Variants in CRACR2A observed in about 807,000 individuals in gnomAD.
The protein encoded by CRACR2A is calcium release activated channel regulator 2A.
Under a neutral mutation model 90.5 loss-of-function variants are expected in CRACR2A, and 79 were observed. The ratio of observed to expected loss-of-function variants is 0.87; its 90% CI spans 0.73 to 1.05. The LOEUF (loss-of-function observed/expected upper bound fraction) is 1.05. Ranked by LOEUF, CRACR2A falls within the 50% of genes least tolerant of loss-of-function variation. The probability of loss-of-function intolerance (pLI) is 0.00; values close to 1 mark genes in which losing one functional copy is unlikely to be tolerated. For synonymous variants in CRACR2A, 338 were observed against 356.7 expected, an observed-to-expected ratio of 0.95 and a Z score of 0.59; for missense variants, 823 against 897.2, an observed-to-expected ratio of 0.92 and a Z score of 1.06.
chr12:3,633,496 C>T lies in CRACR2A; in HGVS notation c.1735+108G>A. ...ACACCAGTATCCCTACTGGCCAATC[C>T]CCATGGCCCTTCCCATGGGCTTCTA... is the stretch of plus-strand genomic sequence containing the variant. On this transcript the variant is annotated intron_variant, in intron 15 of 19. Transcript: ENST00000440314. This position sits in a 1 kb window ranked among gnomAD's most constrained non-coding sequence, Gnocchi z 4.5. 1 of 1,443,254 alleles carries T rather than the reference C, an allele frequency of 6.9e-7. No individual in the cohort carries two copies. The highest frequency in any genetic ancestry group is 1.3e-5 in the South Asian group (1 of 74,988). The allele number at this position is 1,443,254 out of a possible 1,614,324, so 89.4% of individuals were successfully genotyped here.
At chr12:3,671,870 T>C (rs1476188082) in intron 7 of CRACR2A, among the ~76,000 whole-genome samples, 1 of 152,268 alleles carries the variant, frequency 6.6e-6, no homozygotes, top group Non-Finnish European at 1.5e-5. Flanking sequence ...AGATGGATAC[T>C]GTCCCTATCT....
At chr12:3,665,741 G>A (rs1214855909) in intron 7 of CRACR2A, among the ~76,000 whole-genome samples, 1 of 152,136 alleles carries the variant, frequency 6.6e-6, no homozygotes, top group East Asian at 1.9e-4. Context: ...AGGAGTTGGG[G>A]ACAGAAGACA....
intron 14 of CRACR2A, among the ~76,000 whole-genome samples, chr12:3,635,712 C>G (rs917619237): frequency 5.9e-5 from 9 of 152,228 alleles, no homozygotes; most frequent in African/African-American, 2.2e-4. Flanking sequence ...TCCCATGTTG[C>G]TTAGGCTGGT....
At chr12:3,710,393 C>T (rs58381361) in intron 3 of CRACR2A, among the ~76,000 whole-genome samples, 20,686 of 152,030 alleles carry the variant, frequency 0.14, 1,599 homozygotes, top group Admixed American at 0.22. Context: ...TCTCCCAGTT[C>T]TGGAGGCTGG....
intron 1 of CRACR2A, among the ~76,000 whole-genome samples, chr12:3,733,852 CA>C (rs1184577914): frequency 6.8e-6 from 1 of 147,818 alleles, no homozygotes; most frequent in Non-Finnish European, 1.5e-5. Context: ...ATCCTAACCA[CA>C]ACATTCCCAA....
intron 10 of CRACR2A, among the ~76,000 whole-genome samples, chr12:3,651,434 C>A (rs902955419): frequency 6.6e-6 from 1 of 152,218 alleles, no homozygotes; most frequent in Admixed American, 6.5e-5. Context: ...AACGTATAAC[C>A]TTTTGTGCCT....
chr12:3,734,762 C>T (rs1946423708), intron 1 of CRACR2A, among the ~76,000 whole-genome samples: 1 of 151,952 alleles, frequency 6.6e-6, no homozygotes, highest in African/African-American at 2.4e-5. Context: ...GTGAGGTAAG[C>T]CAGACAGAGA....
intron 2 of CRACR2A, among the ~76,000 whole-genome samples, chr12:3,718,379 C>A (rs146294874): frequency 2.6e-5 from 4 of 152,310 alleles, no homozygotes; most frequent in Non-Finnish European, 5.9e-5. Context: ...GCAGCATTCT[C>A]TCTCAAGCAG....
At chr12:3,734,817 T>C (rs906230151) in intron 1 of CRACR2A, among the ~76,000 whole-genome samples, 5 of 152,040 alleles carry the variant, frequency 3.3e-5, no homozygotes, top group African/African-American at 1.2e-4. Flanking sequence ...CCAAAACAAT[T>C]GAACTCAGAG....
At chr12:3,705,265 A>G (rs183900130) in intron 3 of CRACR2A, among the ~76,000 whole-genome samples, 158 of 152,370 alleles carry the variant, frequency 1.0e-3, no homozygotes, top group African/African-American at 3.7e-3. Flanking sequence ...AAGCCGTTAT[A>G]AACAGATGGG....
chr12:3,687,188 T>C (rs1945573843), intron 4 of CRACR2A, among the ~76,000 whole-genome samples: 1 of 113,920 alleles, frequency 8.8e-6, no homozygotes, highest in African/African-American at 3.5e-5. Flanking sequence ...TCCCATTTTC[T>C]TTTTTTTTTT....
chr12:3,738,632 TAAGAG>T, intron 1 of CRACR2A, among the ~76,000 whole-genome samples: 1 of 152,112 alleles, frequency 6.6e-6, no homozygotes, highest in East Asian at 1.9e-4. Context: ...AAAGAGAACT[TAAGAG>T]ACATGAAAAA....
chr12:3,702,835 T>C (rs1945853955), intron 3 of CRACR2A, among the ~76,000 whole-genome samples: 2 of 152,072 alleles, frequency 1.3e-5, no homozygotes, highest in Admixed American at 1.3e-4. Context: ...CCAAAACAAC[T>C]TTGAAAAAGA....
At chr12:3,743,445 G>T (rs111441102) in intron 1 of CRACR2A, among the ~76,000 whole-genome samples, 2 of 152,200 alleles carry the variant, frequency 1.3e-5, no homozygotes, top group South Asian at 2.1e-4. Context: ...TTTTACAGGC[G>T]TGTGGAGAGA....
chr12:3,615,516 C>T lies in CRACR2A; in HGVS notation c.2112-77G>A, dbSNP rs370983191. On this transcript the variant is annotated intron_variant, in intron 19 of 19. Coordinates refer to ENST00000440314, the MANE Select transcript of CRACR2A (RefSeq NM_001144958.2). ...GGGCTGGCAACCTGGACAAGCTACC[C>T]TCAGGTTACAGGTCATCTGGGCCAT... The T allele has an allele frequency of 7.8e-6, 10 of 1,277,554 alleles. No individual in the cohort carries two copies. The African/African-American group carries it at 1.2e-4, about 15-fold the overall frequency. The allele number at this position is 1,277,554 out of a possible 1,614,324, so 79.1% of individuals were successfully genotyped here. A position where few individuals can be genotyped will look rare whatever the true frequency, so the allele number is the denominator to read the frequency against.
rs555632403 is a variant in CRACR2A, at chr12:3,733,920, T to C, written c.-386-710A>G. Among the ~76,000 whole-genome samples, 3 of 149,034 alleles carry C rather than the reference T, an allele frequency of 2.0e-5. No individual in the cohort carries two copies. The South Asian group carries it at 6.4e-4, about 32-fold the overall frequency. On this transcript the variant is annotated intron_variant, in intron 1 of 19. Coordinates refer to ENST00000440314, the MANE Select transcript of CRACR2A (RefSeq NM_001144958.2). The stretch of plus-strand genomic sequence containing the variant: ...ACACACACACACACACACTTTTCTC[T>C]CCACCTTTTCTTGGTATTCAGTCCT...
chr12:3,681,096 C>G (rs971654272), intron 4 of CRACR2A, among the ~76,000 whole-genome samples: 46 of 152,182 alleles, frequency 3.0e-4, no homozygotes, highest in African/African-American at 1.1e-3. Context: ...GCTGGAGGCC[C>G]CTGGTGTCCC....
At chr12:3,644,709 T>G in intron 11 of CRACR2A, 69 bp from the exon 12 acceptor site, 9 of 1,449,854 alleles carry the variant, frequency 6.2e-6, no homozygotes, top group Non-Finnish European at 8.5e-6. Flanking sequence ...GGCAGCCAAT[T>G]TGCTATTCAG....
chr12:3,709,413 A>C (rs140979336), intron 3 of CRACR2A, among the ~76,000 whole-genome samples: 1,863 of 152,334 alleles, frequency 0.012, 44 homozygotes, highest in African/African-American at 0.042. Flanking sequence ...TGTTTCAGAA[A>C]AGTTAAGTAA....
Sources: gnomAD v4.1 joint callset for allele counts (sites outside exome capture counted in the v4.1 genomes callset) on GRCh38, gnomAD v4.1.1 for gene constraint, Gnocchi (gnomAD v3.1) non-coding constraint, MANE v1.5 for transcripts, NCBI Gene and HGNC (gene_info 2026-07-23, HGNC 2026-07-21) for gene names.